The following NOS1AP variants were observed in gnomAD, a reference collection of about 807,000 sequenced individuals.
The protein encoded by NOS1AP is carboxyl-terminal PDZ ligand of neuronal nitric oxide synthase protein.
In NOS1AP, 21 loss-of-function variants were observed where a neutral mutation model predicts 56.2. The observed-to-expected ratio is 0.37, with a 90% CI of 0.26 to 0.54. NOS1AP has a LOEUF of 0.54. Among genes scored for constraint, NOS1AP ranks in the 20% least tolerant of loss-of-function variants. The pLI, the probability that NOS1AP is intolerant of heterozygous loss-of-function variation, is 0.84. For synonymous variants in NOS1AP, 270 were observed against 274.6 expected (o/e 0.98, Z 0.17); for missense variants, 522 against 657.8 (o/e 0.79, Z 2.26).
At chr1:162,147,197 T>C (rs10918758) in intron 1 of NOS1AP, among the ~76,000 whole-genome samples, 75,472 of 151,448 alleles carry the variant, frequency 0.5, 20,992 homozygotes, top group Non-Finnish European at 0.63. Flanking sequence ...GGTGGGGTGG[T>C]GGGCGCCTGG....
At chr1:162,097,208 T>G (rs1244211678) in intron 1 of NOS1AP, among the ~76,000 whole-genome samples, 1 of 152,192 alleles carries the variant, frequency 6.6e-6, no homozygotes, top group African/African-American at 2.4e-5. Flanking sequence ...TTTTTCCCTC[T>G]TATGCGATTG....
chr1:162,281,025 G>A (rs1455069680), intron 2 of NOS1AP, among the ~76,000 whole-genome samples: 1 of 152,176 alleles, frequency 6.6e-6, no homozygotes, highest in Non-Finnish European at 1.5e-5. Context: ...AAGCTGGGTA[G>A]CCCACAGAAC....
chr1:162,220,021 C>T (rs55931422), intron 2 of NOS1AP, among the ~76,000 whole-genome samples: 1,984 of 152,300 alleles, frequency 0.013, 32 homozygotes, highest in African/African-American at 0.045. Context: ...ACCTCAAACT[C>T]CTGGGTTCAA....
At chr1:162,103,167 A>T (rs2102033392) in intron 1 of NOS1AP, among the ~76,000 whole-genome samples, 1 of 152,224 alleles carries the variant, frequency 6.6e-6, no homozygotes, top group East Asian at 1.9e-4. Flanking sequence ...GAACTTGTTG[A>T]TTTCTGCCTA....
At chr1:162,076,521 A>G (rs1043072980) in intron 1 of NOS1AP, among the ~76,000 whole-genome samples, 1 of 152,204 alleles carries the variant, frequency 6.6e-6, no homozygotes, top group African/African-American at 2.4e-5. Flanking sequence ...GATATTACAG[A>G]TCTGTACTAC....
intron 2 of NOS1AP, among the ~76,000 whole-genome samples, chr1:162,230,562 G>A (rs149446638): frequency 0.013 from 2,036 of 152,202 alleles, 27 homozygotes; most frequent in South Asian, 0.023. Flanking sequence ...CATTTTTCAA[G>A]GTACAGTTCA....
rs575407666 is a variant in NOS1AP, at chr1:162,320,152, G to A, written c.345-12865G>A. Reference sequence around the variant, plus strand: ...AAGCCAATATGGGGCCAAGGGGGGCGGGGTACGGAGTAAGATGTGCGTATC... The same window carrying A: ...AAGCCAATATGGGGCCAAGGGGGGCAGGGTACGGAGTAAGATGTGCGTATC... On this transcript the variant is annotated intron_variant, in intron 4 of 9. Transcript: ENST00000361897. Among the ~76,000 whole-genome samples, 6 of 152,286 alleles carry A rather than the reference G, an allele frequency of 3.9e-5. No homozygotes were observed. In the South Asian group the frequency reaches 6.2e-4, roughly 16 times the overall value.
chr1:162,098,507 T>C (rs376183966), intron 1 of NOS1AP, among the ~76,000 whole-genome samples: 16 of 128,914 alleles, frequency 1.2e-4, no homozygotes, highest in East Asian at 4.4e-4. Flanking sequence ...TTTTTTTTTT[T>C]CTCTAACTTT....
At chr1:162,128,652 A>AT in intron 1 of NOS1AP, among the ~76,000 whole-genome samples, 1 of 152,082 alleles carries the variant, frequency 6.6e-6, no homozygotes, top group East Asian at 1.9e-4. Context: ...AGATTTTCCT[A>AT]TTTTTTTATT....
intron 4 of NOS1AP, among the ~76,000 whole-genome samples, chr1:162,312,621 C>A (rs1194368229): frequency 6.7e-6 from 1 of 148,620 alleles, no homozygotes; most frequent in Non-Finnish European, 1.5e-5. Context: ...GCTTTTGTTG[C>A]CATTGCTTTT....
chr1:162,126,545 T>G (rs1246341367), intron 1 of NOS1AP, among the ~76,000 whole-genome samples: 7 of 152,070 alleles, frequency 4.6e-5, no homozygotes, highest in Non-Finnish European at 1.0e-4. Context: ...CTCTGTAATT[T>G]TTTTTCACTT....
At chr1:162,207,162 T>C (rs769266132) in intron 2 of NOS1AP, among the ~76,000 whole-genome samples, 7 of 152,232 alleles carry the variant, frequency 4.6e-5, no homozygotes, top group Non-Finnish European at 8.8e-5. Context: ...CCAGGGATCC[T>C]GAGCCTTCTC....
intron 2 of NOS1AP, among the ~76,000 whole-genome samples, chr1:162,187,821 G>A (rs559382561): frequency 3.3e-5 from 5 of 152,294 alleles, no homozygotes; most frequent in Admixed American, 2.0e-4. Flanking sequence ...ACATTTGCCT[G>A]CTGTCCTGAT....
At chr1:162,195,468 G>T (rs1651774769) in intron 2 of NOS1AP, among the ~76,000 whole-genome samples, 1 of 152,136 alleles carries the variant, frequency 6.6e-6, no homozygotes, top group Admixed American at 6.6e-5. Flanking sequence ...ATGGTACCTG[G>T]CACATATGAC....
Position 162,329,672 on chromosome 1 carries a change from A to C in NOS1AP, c.345-3345A>C, listed in dbSNP as rs957384680. Among the ~76,000 whole-genome samples, 35 of 152,090 alleles carry C rather than the reference A, an allele frequency of 2.3e-4. 1 individual carries two copies. Among genetic ancestry groups the C allele is most frequent in the Non-Finnish European group, 4.1e-4 (28 of 68,024 alleles). On this transcript the variant is annotated intron_variant, in intron 4 of 9. Transcript: ENST00000361897. ...CCCCCACAATCACAGTGCTTAAGAAAACCAAGTAATGGAGAAATAAGGGTT... is the reference window on the plus strand; with the variant it reads ...CCCCCACAATCACAGTGCTTAAGAACACCAAGTAATGGAGAAATAAGGGTT...
At chr1:162,216,478 A>T (rs141321908) in intron 2 of NOS1AP, among the ~76,000 whole-genome samples, 2 of 152,244 alleles carry the variant, frequency 1.3e-5, no homozygotes, top group African/African-American at 2.4e-5. Flanking sequence ...CGGGCTTTAC[A>T]TCTTATAGTT....
At chr1:162,175,153 GAA>G (rs59467237) in intron 2 of NOS1AP, among the ~76,000 whole-genome samples, 18 of 144,898 alleles carry the variant, frequency 1.2e-4, no homozygotes, top group African/African-American at 3.0e-4. Context: ...ACTTTTTGGG[GAA>G]AAAAAAAAAA....
At chr1:162,155,392 T>TATAG (rs1553190441) in intron 2 of NOS1AP, among the ~76,000 whole-genome samples, 32,423 of 145,850 alleles carry the variant, frequency 0.22, 4,599 homozygotes, top group African/African-American at 0.39. Flanking sequence ...CTTATATATA[T>TATAG]AGAGAGCTCA....
chr1:162,278,463 G>C (rs1654814077), intron 2 of NOS1AP, among the ~76,000 whole-genome samples: 1 of 152,162 alleles, frequency 6.6e-6, no homozygotes. Context: ...GTAAGTGTGG[G>C]ATGTGTGTGG....
Sources: allele counts gnomAD v4.1 joint callset (sites outside exome capture counted in the v4.1 genomes callset), GRCh38; gene constraint gnomAD v4.1.1; transcripts MANE v1.5; gene names NCBI Gene and HGNC (gene_info 2026-07-23, HGNC 2026-07-21).